Variants in DMD observed in about 807,000 individuals in gnomAD.
DMD encodes the protein mutant dystrophin.
Under a neutral mutation model 330.1 loss-of-function variants are expected in DMD, and 63 were observed. The ratio of observed to expected loss-of-function variants is 0.19; its 90% CI spans 0.16 to 0.24. The LOEUF (loss-of-function observed/expected upper bound fraction) is 0.24, where lower values mean the gene tolerates loss of function less well. Ranked by LOEUF, DMD falls within the 10% of genes least tolerant of loss-of-function variation. The pLI is 1.00. For synonymous variants in DMD, 1,223 were observed against 959.8 expected, an observed-to-expected ratio of 1.27 and a Z score of -5.07; for missense variants, 3,344 against 2,684.1, an observed-to-expected ratio of 1.25 and a Z score of -5.43.
At chrX:31,237,981 A>C (rs1351118225) in intron 63 of DMD, among the ~76,000 whole-genome samples, 1 of 111,927 alleles carries the variant, frequency 8.9e-6, no homozygotes, top group Non-Finnish European at 1.9e-5. Context: ...TGGCCTCCCA[A>C]AGTGCTGAGA....
chrX:31,518,671 G>A (rs771976248), intron 55 of DMD, among the ~76,000 whole-genome samples: 1 of 110,387 alleles, frequency 9.1e-6, no homozygotes, highest in South Asian at 3.9e-4. Flanking sequence ...GGTGGGGGTA[G>A]GGTAGGGGGA....
intron 54 of DMD, among the ~76,000 whole-genome samples, chrX:31,648,883 C>T (rs981039103): frequency 1.8e-5 from 2 of 109,215 alleles, no homozygotes; most frequent in Admixed American, 2.0e-4. Flanking sequence ...TAGAATTGTG[C>T]AGAAAAAAAT....
chrX:32,684,799 G>A (rs780403250), intron 9 of DMD, among the ~76,000 whole-genome samples: 8 of 109,721 alleles, frequency 7.3e-5, no homozygotes, highest in Non-Finnish European at 1.3e-4. Flanking sequence ...TTTTCCTATT[G>A]GGGCATTCTA....
intron 2 of DMD, among the ~76,000 whole-genome samples, chrX:32,883,538 T>G (rs1280637647): frequency 9.0e-6 from 1 of 110,909 alleles, no homozygotes; most frequent in Non-Finnish European, 1.9e-5. Flanking sequence ...GAAAATGGCT[T>G]CCATGGCCAG....
At chrX:31,181,135 T>A (rs2041115883) in intron 68 of DMD, among the ~76,000 whole-genome samples, 1 of 112,040 alleles carries the variant, frequency 8.9e-6, no homozygotes, top group Admixed American at 9.5e-5. Context: ...TGGAAGAATT[T>A]ATAATCTGTA....
intron 44 of DMD, among the ~76,000 whole-genome samples, chrX:32,112,183 G>C (rs2096592163): frequency 9.0e-6 from 1 of 111,441 alleles, no homozygotes. Flanking sequence ...TTTTAGAAGA[G>C]AGTTAAAGAA....
At chrX:31,549,652 C>T (rs1249059377) in intron 55 of DMD, among the ~76,000 whole-genome samples, 1 of 112,270 alleles carries the variant, frequency 8.9e-6, no homozygotes. Flanking sequence ...CTAGTTTTCA[C>T]GTTTCTCTGA....
intron 56 of DMD, among the ~76,000 whole-genome samples, chrX:31,506,147 C>T (rs937398241): frequency 2.7e-5 from 3 of 111,940 alleles, no homozygotes; most frequent in African/African-American, 9.8e-5. Flanking sequence ...ATATTAGTTG[C>T]TATCATTATT....
chrX:31,243,035 A>C (rs757856499), intron 63 of DMD, among the ~76,000 whole-genome samples: 59 of 111,583 alleles, frequency 5.3e-4, no homozygotes, highest in Non-Finnish European at 1.1e-3. Context: ...TTGGGCAATG[A>C]ACAGGGATCA....
intron 28 of DMD, among the ~76,000 whole-genome samples, chrX:32,439,863 A>C (rs183657320): frequency 9.0e-6 from 1 of 111,560 alleles, no homozygotes; most frequent in East Asian, 2.8e-4. Flanking sequence ...GAGCACTCGC[A>C]ATTTTCCTCC....
intron 2 of DMD, among the ~76,000 whole-genome samples, chrX:32,994,249 C>T (rs938547651): frequency 9.2e-6 from 1 of 108,918 alleles, no homozygotes; most frequent in African/African-American, 3.4e-5. Flanking sequence ...CGCTGTTTCC[C>T]GAAATGCCAA....
intron 61 of DMD, among the ~76,000 whole-genome samples, chrX:31,331,013 A>G (rs1302987542): frequency 1.8e-5 from 2 of 112,427 alleles, no homozygotes; most frequent in Non-Finnish European, 3.8e-5. Flanking sequence ...ACTTTCAAAG[A>G]TGGGCAGACT....
chrX:32,809,690 G>A, intron 6 of DMD, 79 bp from the exon 7 acceptor site: 1 of 882,338 alleles, frequency 1.1e-6, no homozygotes, highest in Non-Finnish European at 1.7e-6. Context: ...TTACTTCCAT[G>A]CTTAATTTTC....
chrX:31,658,435 G>GA (rs1441537236), intron 53 of DMD, among the ~76,000 whole-genome samples: 2 of 111,197 alleles, frequency 1.8e-5, no homozygotes, highest in Non-Finnish European at 3.8e-5. Flanking sequence ...TATCACAAGA[G>GA]AAAAAAACTA....
At chrX:31,529,177 G>A (rs978044684) in intron 55 of DMD, among the ~76,000 whole-genome samples, 8 of 105,588 alleles carry the variant, frequency 7.6e-5, no homozygotes, top group Non-Finnish European at 1.2e-4. Flanking sequence ...AGCCGAGATC[G>A]CACCACTGCA....
chrX:32,310,269 A>G lies in DMD; in HGVS notation c.5930T>C (p.Val1977Ala). The G allele has an allele frequency of 8.3e-7, 1 of 1,207,756 alleles. No homozygotes were observed. The highest frequency in any genetic ancestry group is 1.1e-6 in the Non-Finnish European group (1 of 892,616). Residue 1977 changes from valine to alanine, a missense_variant, in exon 42 of 79, where the codon GTC (valine) becomes GCC (alanine). Transcript: ENST00000357033. ...RRLNFAQIHTVREETMMVMTE... is the reference protein window; with the variant it reads ...RRLNFAQIHTAREETMMVMTE... Reference sequence around the variant, plus strand: ...CATCACCATCATCGTTTCTTCACGGACAGTGTGCTGGTATAGATATACAAA... The same window carrying G: ...CATCACCATCATCGTTTCTTCACGGGCAGTGTGCTGGTATAGATATACAAA...
chrX:33,217,771 G>A (rs2052084933), intron 1 of DMD, among the ~76,000 whole-genome samples: 1 of 111,366 alleles, frequency 9.0e-6, no homozygotes. Context: ...ATTAGCAATT[G>A]ACTTTTATAA....
chrX:31,371,434 G>T (rs1440000946), intron 60 of DMD, among the ~76,000 whole-genome samples: 2 of 111,068 alleles, frequency 1.8e-5, no homozygotes, highest in Non-Finnish European at 3.8e-5. Context: ...TAATTTTTTG[G>T]TAATAAGAAA....
chrX:31,637,177 C>T (rs2079465608), intron 54 of DMD, among the ~76,000 whole-genome samples: 1 of 111,483 alleles, frequency 9.0e-6, no homozygotes, highest in African/African-American at 3.3e-5. Context: ...AAAGAATTGC[C>T]CTTCTAATTG....
Sources: allele counts gnomAD v4.1 joint callset (sites outside exome capture counted in the v4.1 genomes callset), GRCh38; gene constraint gnomAD v4.1.1; transcripts MANE v1.5; gene names NCBI Gene and HGNC (gene_info 2026-07-23, HGNC 2026-07-21).